The following IL17RC variants were observed in gnomAD, a reference collection of about 807,000 sequenced individuals.
The protein encoded by IL17RC is interleukin 17 receptor C.
IL17RC carries 53 observed loss-of-function variants against 86.7 expected under a neutral mutation model. The ratio of observed to expected loss-of-function variants is 0.61; its 90% CI spans 0.49 to 0.77. The LOEUF (loss-of-function observed/expected upper bound fraction) is 0.77. Among genes scored for constraint, IL17RC ranks in the 30% least tolerant of loss-of-function variants. IL17RC has a pLI of 0.00. For missense variants in IL17RC, 957 were observed against 940.0 expected (o/e 1.02, Z -0.24); for synonymous variants, 439 against 413.1 (o/e 1.06, Z -0.76).
chr3:9,917,144 C>G lies in IL17RC; in HGVS notation c.-172C>G. The stretch of plus-strand genomic sequence containing the variant: ...GGAAGTAGGAGGAGAGTCAGGACTC[C>G]CAGGACAGAGAGTGCACAAACTACC... On this transcript the variant is annotated 5_prime_UTR_variant, in exon 1 of 19. Coordinates refer to ENST00000403601, the MANE Select transcript of IL17RC (RefSeq NM_153460.4). 1.6e-6 allele frequency: 1 copy of G among 607,818 alleles called. No individual in the cohort carries two copies. Among genetic ancestry groups the G allele is most frequent in the Admixed American group, 3.0e-5 (1 of 33,880 alleles). 37.7% of individuals were successfully genotyped at this position (607,818 alleles called of 1,614,324 possible). A position where few individuals can be genotyped will look rare whatever the true frequency, so the allele number is the denominator to read the frequency against.
chr3:9,926,114 A>G (rs1465833285), intron 9 of IL17RC, among the ~76,000 whole-genome samples: 2 of 146,816 alleles, frequency 1.4e-5, no homozygotes, highest in African/African-American at 5.1e-5. Context: ...GCTCACTGCA[A>G]CTTCCGCCTC....
At position 9,924,511 on chromosome 3, in the gene IL17RC, T is replaced by C. The variant is rs376172437; in HGVS notation, c.822+220T>C. Reference sequence around the variant, plus strand: ...TGATCCTCCACAGAACTCCTGCTTATTCTTCATGGCCCCATTCAAATGTCA... The same window carrying C: ...TGATCCTCCACAGAACTCCTGCTTACTCTTCATGGCCCCATTCAAATGTCA... On this transcript the variant is annotated intron_variant, in intron 9 of 18. Coordinates refer to ENST00000403601, the MANE Select transcript of IL17RC (RefSeq NM_153460.4). Among the ~76,000 whole-genome samples, 16 of 152,276 alleles carry C rather than the reference T, an allele frequency of 1.1e-4. 1 individual carries two copies. Among genetic ancestry groups the C allele is most frequent in the East Asian group, 9.7e-4 (5 of 5,176 alleles).
intron 9 of IL17RC, among the ~76,000 whole-genome samples, chr3:9,927,228 T>G (rs1434773322): frequency 1.7e-5 from 1 of 57,300 alleles, no homozygotes; most frequent in Non-Finnish European, 3.3e-5. Context: ...CCCCAACACA[T>G]AGCAGGTGCT....
In IL17RC at chr3:9,928,647, T is replaced by C; in HGVS notation, c.1110+17T>C. 6.2e-7 allele frequency: 1 copy of C among 1,613,220 alleles called. No individual in the cohort carries two copies. The highest frequency in any genetic ancestry group is 8.5e-7 in the Non-Finnish European group (1 of 1,179,742). ...TGTGTTCAGGTCAGAAAGGGGTGCATAGTGCTGGGCTGGAGGCTGGACCTG... is the reference window on the plus strand; with the variant it reads ...TGTGTTCAGGTCAGAAAGGGGTGCACAGTGCTGGGCTGGAGGCTGGACCTG... On this transcript the variant is annotated intron_variant, in intron 12 of 18. Transcript: ENST00000403601.
chr3:9,918,378 A>C lies in IL17RC; in HGVS notation c.324A>C (p.Ala108=). Residue 108 remains alanine (A), a synonymous_variant, in exon 4 of 19, where the codon GCA becomes GCC. Transcript: ENST00000403601. The stretch of plus-strand genomic sequence containing the variant: ...AAGATGAGGAAAAGTTTGGAGGAGC[A>C]GCTGACTCAGGGGTGGAGGAGCCTA... ...EPEDEEKFGG[A]ADSGVEEPRN... 1 of 1,608,466 alleles carries C rather than the reference A, an allele frequency of 6.2e-7. No individual in the cohort carries two copies. Among genetic ancestry groups the C allele is most frequent in the Non-Finnish European group, 8.5e-7 (1 of 1,177,378 alleles).
At chr3:9,928,110 A>AG in intron 9 of IL17RC, 56 bp from the exon 10 acceptor site, 1 of 1,541,602 alleles carries the variant, frequency 6.5e-7, no homozygotes, top group Admixed American at 1.7e-5. Context: ...TGTCCAGCAG[A>AG]GGGCCAGGCA....
In IL17RC at chr3:9,932,819, G is replaced by C. The variant is rs771848053; in HGVS notation, c.1484-1G>C. ...CTGCCTCCGCCCCTCTCCCCTAACA[G>C]GGTGGCTGAGGCTCTTGAAACAGGA... On this transcript the variant is annotated splice_acceptor_variant, in intron 17 of 18. Transcript: ENST00000403601. LOFTEE classifies it high-confidence loss of function. 5.1e-6 allele frequency: 8 copies of C among 1,565,284 alleles called. No homozygotes were observed. In the South Asian group the frequency reaches 9.7e-5, roughly 19 times the overall value.
chr3:9,924,593 G>A (rs571165530), intron 9 of IL17RC, among the ~76,000 whole-genome samples: 5 of 152,268 alleles, frequency 3.3e-5, no homozygotes, highest in Non-Finnish European at 5.9e-5. Context: ...TTCCCCTGGC[G>A]GGCAGAGCAT....
At chr3:9,931,470 C>CACACACACACACACACATATATAT (rs750351615) in intron 16 of IL17RC, among the ~76,000 whole-genome samples, 2 of 43,732 alleles carry the variant, frequency 4.6e-5, no homozygotes, top group Admixed American at 2.9e-4. Flanking sequence ...CACACACACA[C>CACACACACACACACACATATATAT]ATATATATAT....
Position 9,931,466 on chromosome 3 carries a change from C to CATATATATATAT in IL17RC, c.1387+524_1387+525insTATATATATATA, listed in dbSNP as rs1466191337. The stretch of plus-strand genomic sequence containing the variant: ...TTTTTATATATTTCACACACACACA[C>CATATATATATAT]ACACATATATATATATATATATATA... On this transcript the variant is annotated intron_variant, in intron 16 of 18. Coordinates refer to ENST00000403601, the MANE Select transcript of IL17RC (RefSeq NM_153460.4). Among the ~76,000 whole-genome samples, 25 of 15,602 alleles carry CATATATATATAT rather than the reference C, an allele frequency of 1.6e-3. No homozygotes were observed. In the South Asian group the frequency reaches 0.016, roughly 10 times the overall value. The allele number at this position is 15,602 out of a possible 152,430, so 10.2% of individuals were successfully genotyped here. A position where few individuals can be genotyped will look rare whatever the true frequency, so the allele number is the denominator to read the frequency against.
chr3:9,917,199 G>A lies in IL17RC; in HGVS notation c.-117G>A. On this transcript the variant is annotated 5_prime_UTR_variant, in exon 1 of 19. Coordinates refer to ENST00000403601, the MANE Select transcript of IL17RC (RefSeq NM_153460.4). ...ACAGCCCCCTCCGCCCCCTCTGGAG[G>A]CTGAAGAGGGATTCCAGCCCCTGCC... 1.3e-6 allele frequency: 1 copy of A among 751,420 alleles called. No individual in the cohort carries two copies. Among genetic ancestry groups the A allele is most frequent in the Non-Finnish European group, 2.2e-6 (1 of 462,994 alleles). 46.5% of individuals were successfully genotyped at this position (751,420 alleles called of 1,614,324 possible). A position where few individuals can be genotyped will look rare whatever the true frequency, so the allele number is the denominator to read the frequency against.
At chr3:9,928,519 G>C in intron 11 of IL17RC, 33 bp downstream of exon 11, 3 of 1,613,586 alleles carry the variant, frequency 1.9e-6, no homozygotes, top group Non-Finnish European at 2.5e-6. Flanking sequence ...CCCGTGGTGA[G>C]GGGAGAGTGG....
rs1559329842 is a variant in IL17RC, at chr3:9,933,461, CCAAGAGAGAGCGGAG to C, written c.2036_2050del (p.Glu679_Gln683del). 4 of 1,612,962 alleles carry C rather than the reference CCAAGAGAGAGCGGAG, an allele frequency of 2.5e-6. No individual in the cohort carries two copies. Among genetic ancestry groups the C allele is most frequent in the Non-Finnish European group, 3.4e-6 (4 of 1,179,780 alleles). ...CTCGCGCCCCGCGTTCCGGGCGGCTCCAAGAGAGAGCGGAGCAAGTGTCCCGGGCCCTTCAGCCAG... is the reference window on the plus strand; with the variant it reads ...CTCGCGCCCCGCGTTCCGGGCGGCTCCAAGTGTCCCGGGCCCTTCAGCCAG... On this transcript the variant is annotated inframe_deletion, in exon 19 of 19. Coordinates refer to ENST00000403601, the MANE Select transcript of IL17RC (RefSeq NM_153460.4).
Position 9,917,250 on chromosome 3 carries a change from T to G in IL17RC, c.-66T>G. On this transcript the variant is annotated 5_prime_UTR_variant, in exon 1 of 19. Transcript: ENST00000403601. ...ACCCACAGACACGGGCTGACTGGGG[T>G]GTCTGCCCCCCTTGGGGGGGGGCAG... The G allele has an allele frequency of 7.8e-7, 1 of 1,278,386 alleles. No individual in the cohort carries two copies. The highest frequency in any genetic ancestry group is 2.5e-5 in the Admixed American group (1 of 39,878). The allele number at this position is 1,278,386 out of a possible 1,614,324, so 79.2% of individuals were successfully genotyped here.
chr3:9,924,000 C>G lies in IL17RC; in HGVS notation c.742C>G (p.Pro248Ala), dbSNP rs549131522. 6.2e-7 allele frequency: 1 copy of G among 1,614,012 alleles called. No individual in the cohort carries two copies. Among genetic ancestry groups the G allele is most frequent in the Non-Finnish European group, 8.5e-7 (1 of 1,180,034 alleles). Residue 248 changes from proline to alanine, a missense_variant, in exon 8 of 19, where the codon CCC becomes GCC. Pro to Ala is a conservative substitution (Grantham distance 27). Transcript: ENST00000403601. The part of the protein sequence containing the change: ...YWNQVQGPPK[P>A]RWHKNLTGPQ... ...GAATCAGGTCCAGGGCCCCCCAAAA[C>G]CCCGGTGGCACAAAAACCTGGTGAG...
intron 5 of IL17RC, chr3:9,920,247 G>GC (rs1299743626): frequency 2.1e-6 from 1 of 465,786 alleles, no homozygotes; most frequent in Non-Finnish European, 3.9e-6. Flanking sequence ...CAGGGTGGGT[G>GC]CAGGGATTTA....
In IL17RC at chr3:9,923,174, C is replaced by T. The variant is rs550251332; in HGVS notation, c.623-707C>T. Among the ~76,000 whole-genome samples the T allele has an allele frequency of 8.1e-4, 106 of 130,328 alleles. 1 individual carries two copies. Among genetic ancestry groups the T allele is most frequent in the Admixed American group, 8.0e-3 (98 of 12,178 alleles). The allele number at this position is 130,328 out of a possible 152,430, so 85.5% of individuals were successfully genotyped here. A position where few individuals can be genotyped will look rare whatever the true frequency, so the allele number is the denominator to read the frequency against. ...CCTGGGCGACAGAGCCAGACTCCATCTCAAAAAAAAAAAAAGGAAAAAAAA... is the reference window on the plus strand; with the variant it reads ...CCTGGGCGACAGAGCCAGACTCCATTTCAAAAAAAAAAAAAGGAAAAAAAA... On this transcript the variant is annotated intron_variant, in intron 7 of 18. Coordinates refer to ENST00000403601, the MANE Select transcript of IL17RC (RefSeq NM_153460.4).
rs1015531176 is a variant in IL17RC, at chr3:9,933,005, T to C, written c.1575T>C (p.Gly525=). The C allele has an allele frequency of 6.4e-7, 1 of 1,570,916 alleles. No individual in the cohort carries two copies. The highest frequency in any genetic ancestry group is 2.0e-5 in the Admixed American group (1 of 50,734). The stretch of plus-strand genomic sequence containing the variant: ...TCCTCTACTCAGCCGATGACTCGGG[T>C]TTCGAGCGCCTGGTGGGCGCCCTGG... ...ALLLYSADDS[G]FERLVGALAS... The change falls in exon 19 of 19, where the codon GGT becomes GGC. Residue 525 remains glycine (G), a synonymous_variant. Coordinates refer to ENST00000403601, the MANE Select transcript of IL17RC (RefSeq NM_153460.4).
chr3:9,923,855 T>C, intron 7 of IL17RC, 26 bp from the exon 8 acceptor site: 1 of 1,612,688 alleles, frequency 6.2e-7, no homozygotes, highest in South Asian at 1.1e-5. Context: ...AAGTCTAAGC[T>C]GCGCTCTCTT....
Sources: gnomAD v4.1 joint callset for allele counts (sites outside exome capture counted in the v4.1 genomes callset) on GRCh38, gnomAD v4.1.1 for gene constraint, MANE v1.5 for transcripts, NCBI Gene and HGNC (gene_info 2026-07-23, HGNC 2026-07-21) for gene names.